The following MANBA variants were observed in gnomAD, a reference collection of about 807,000 sequenced individuals.
MANBA encodes the protein mannosidase beta.
Under a neutral mutation model 111.1 loss-of-function variants are expected in MANBA, and 83 were observed. The observed-to-expected ratio is 0.75, with a 90% CI of 0.63 to 0.90. MANBA has a LOEUF of 0.90. Ranked by LOEUF, MANBA falls within the 40% of genes least tolerant of loss-of-function variation. The probability of loss-of-function intolerance (pLI) is 0.00; values close to 1 mark genes in which losing one functional copy is unlikely to be tolerated. For synonymous variants in MANBA, 370 were observed against 378.7 expected (o/e 0.98, Z 0.27); for missense variants, 1,036 against 1,069.0 (o/e 0.97, Z 0.43).
In MANBA at chr4:102,634,775, G is replaced by T; in HGVS notation, c.2415+13C>A. The T allele has an allele frequency of 6.2e-7, 1 of 1,612,980 alleles. No individual in the cohort carries two copies. Among genetic ancestry groups the T allele is most frequent in the Non-Finnish European group, 8.5e-7 (1 of 1,180,022 alleles). On this transcript the variant is annotated intron_variant, in intron 16 of 16. Transcript: ENST00000647097. The stretch of plus-strand genomic sequence containing the variant: ...GCCACAGTCCCCTGCCCTCCGCCAT[G>T]ACCTGTGCTTACAGTGATCTGCGCC...
At chr4:102,727,993 T>C (rs1475711176) in intron 1 of MANBA, 1 of 434,868 alleles carries the variant, frequency 2.3e-6, no homozygotes, top group Non-Finnish European at 4.4e-6. Context: ...TTGCATTTTC[T>C]AAAACCAAAA....
At chr4:102,749,374 A>C (rs1259631716) in intron 1 of MANBA, among the ~76,000 whole-genome samples, 1 of 152,222 alleles carries the variant, frequency 6.6e-6, no homozygotes, top group Non-Finnish European at 1.5e-5. Context: ...AAACAAAGAG[A>C]ATTCCAAGAG....
chr4:102,667,780 T>C (rs1731293220), intron 10 of MANBA: 1 of 152,190 alleles, frequency 6.6e-6, no homozygotes, highest in African/African-American at 2.4e-5. Flanking sequence ...ACATGAGAAA[T>C]TGAAATCAGA....
Position 102,684,815 on chromosome 4 carries a change from T to C in MANBA, c.960+4759A>G, listed in dbSNP as rs899817719. Among the ~76,000 whole-genome samples, 26 of 152,170 alleles carry C rather than the reference T, an allele frequency of 1.7e-4. No homozygotes were observed. The East Asian group carries it at 2.9e-3, about 17-fold the overall frequency. ...ATATGCTCAACAAAGCGATGATTCA[T>C]GTCCTGGACAAGACAGGGCAGGACA... On this transcript the variant is annotated intron_variant, in intron 7 of 16. Transcript: ENST00000647097.
rs10629916 is a variant in MANBA, at chr4:102,657,222, T to TTTG, written c.1704+459_1704+460insCAA. 2.1e-3 allele frequency among the ~76,000 whole-genome samples: 111 copies of TTTG among 52,236 alleles called. 1 individual carries two copies. The highest frequency in any genetic ancestry group is 0.011 in the Admixed American group (44 of 4,064). The allele number at this position is 52,236 out of a possible 152,430, so 34.3% of individuals were successfully genotyped here. Reference sequence around the variant, plus strand: ...AAAAGAGGGAGAGAGAGGAGTGGGGTGGGGGGGGGGTGGGCGGTGGTAATG... The same window carrying TTTG: ...AAAAGAGGGAGAGAGAGGAGTGGGGTTTGGGGGGGGGGGTGGGCGGTGGTAATG... On this transcript the variant is annotated intron_variant, in intron 12 of 16. Coordinates refer to ENST00000647097, the MANE Select transcript of MANBA (RefSeq NM_005908.4).
At chr4:102,642,590 G>C (rs950585021) in intron 13 of MANBA, among the ~76,000 whole-genome samples, 6 of 151,406 alleles carry the variant, frequency 4.0e-5, no homozygotes, top group Admixed American at 2.6e-4. Context: ...CTGGACAACA[G>C]AGCGAGACTC....
At chr4:102,640,978 G>T (rs910149615) in intron 13 of MANBA, among the ~76,000 whole-genome samples, 3 of 152,152 alleles carry the variant, frequency 2.0e-5, no homozygotes, top group African/African-American at 7.2e-5. Context: ...AGAAAAAAAT[G>T]ATACAGCCCA....
chr4:102,659,731 G>T (rs1730837243), intron 11 of MANBA, among the ~76,000 whole-genome samples: 1 of 152,064 alleles, frequency 6.6e-6, no homozygotes, highest in South Asian at 2.1e-4. Flanking sequence ...AATTACCCAT[G>T]AACTTCTACT....
intron 1 of MANBA, among the ~76,000 whole-genome samples, chr4:102,737,672 C>A (rs1723267637): frequency 6.6e-6 from 1 of 152,024 alleles, no homozygotes; most frequent in Non-Finnish European, 1.5e-5. Flanking sequence ...TTAGTAGAGA[C>A]AGGGTTTCAT....
chr4:102,661,542 C>T (rs543384441), intron 11 of MANBA, among the ~76,000 whole-genome samples: 2 of 152,238 alleles, frequency 1.3e-5, no homozygotes, highest in African/African-American at 2.4e-5. Context: ...GCTACAATGG[C>T]TTTGAAGAAC....
chr4:102,759,900 G>A (rs1457355907), intron 1 of MANBA, among the ~76,000 whole-genome samples: 1 of 152,148 alleles, frequency 6.6e-6, no homozygotes, highest in Non-Finnish European at 1.5e-5. Context: ...GACAATGTAT[G>A]CATCCCACAA....
intron 9 of MANBA, 51 bp downstream of exon 9, chr4:102,671,230 A>C (rs1318715014): frequency 3.5e-6 from 4 of 1,151,466 alleles, no homozygotes; most frequent in Non-Finnish European, 5.3e-6. Context: ...TTGGCAGTCA[A>C]ACTGAGGATA....
intron 1 of MANBA, among the ~76,000 whole-genome samples, chr4:102,731,322 C>T (rs1057194646): frequency 5.9e-5 from 9 of 152,240 alleles, no homozygotes; most frequent in South Asian, 2.1e-4. Context: ...GTGCTGTTTG[C>T]GCCACTATCC....
At chr4:102,668,749 A>G (rs2110220598) in intron 10 of MANBA, 1 of 532,324 alleles carries the variant, frequency 1.9e-6, no homozygotes, top group African/African-American at 1.9e-5. Context: ...CAGCAGAGAA[A>G]TCAGGACTGG....
intron 9 of MANBA, among the ~76,000 whole-genome samples, chr4:102,669,763 G>A (rs902342921): frequency 1.3e-5 from 2 of 152,136 alleles, no homozygotes; most frequent in African/African-American, 4.8e-5. Context: ...GGCAGATCAC[G>A]AGGTCAGGAG....
At chr4:102,753,539 A>T (rs139530195) in intron 1 of MANBA, among the ~76,000 whole-genome samples, 1 of 152,330 alleles carries the variant, frequency 6.6e-6, no homozygotes, top group African/African-American at 2.4e-5. Flanking sequence ...ATAGGCAACC[A>T]ATTAACTATT....
At chr4:102,704,787 T>C (rs1338996476) in intron 5 of MANBA, among the ~76,000 whole-genome samples, 1 of 152,142 alleles carries the variant, frequency 6.6e-6, no homozygotes, top group Admixed American at 6.5e-5. Flanking sequence ...TTTAATGCTC[T>C]CATGAGCTTA....
chr4:102,724,537 C>T (rs555395858), intron 2 of MANBA, among the ~76,000 whole-genome samples: 3 of 109,628 alleles, frequency 2.7e-5, no homozygotes, highest in Admixed American at 1.9e-4. Flanking sequence ...TGCAAGATTC[C>T]GTCTCAAAAA....
chr4:102,666,462 C>A, intron 10 of MANBA: 1 of 152,296 alleles, frequency 6.6e-6, no homozygotes. Flanking sequence ...GTGACAAATC[C>A]TTGAACAAGT....
Sources: allele counts gnomAD v4.1 joint callset (sites outside exome capture counted in the v4.1 genomes callset), GRCh38; gene constraint gnomAD v4.1.1; transcripts MANE v1.5; gene names NCBI Gene and HGNC (gene_info 2026-07-23, HGNC 2026-07-21).